The following DPH6 variants were observed in gnomAD, a reference collection of about 807,000 sequenced individuals.
DPH6 encodes diphthamine biosynthesis 6, also known as diphthine--ammonia ligase.
A neutral mutation model predicts 38.2 loss-of-function variants in DPH6; 33 were observed. That is an observed-to-expected ratio of 0.86 (90% CI 0.65 to 1.15). The LOEUF (loss-of-function observed/expected upper bound fraction) is 1.15. DPH6 is among the 50% of genes most tolerant of loss of function. The pLI is 0.00. For synonymous variants in DPH6, 108 were observed against 103.0 expected (o/e 1.05, Z -0.30); for missense variants, 325 against 320.0 (o/e 1.02, Z -0.12).
At chr15:35,543,082 T>C (rs1174418089) in intron 1 of DPH6, among the ~76,000 whole-genome samples, 1 of 145,618 alleles carries the variant, frequency 6.9e-6, no homozygotes, top group African/African-American at 2.5e-5. Context: ...CATCAGCAAT[T>C]AAAGGATCAA....
At chr15:35,208,898 T>G in the DPH6 span, among the ~76,000 whole-genome samples, 1 of 152,172 alleles carries the variant, frequency 6.6e-6, no homozygotes, top group African/African-American at 2.4e-5. Context: ...AAAATTAAAT[T>G]TATTTTAAAA....
At chr15:35,271,506 A>G (rs955441194) in intron 3 of DPH6, among the ~76,000 whole-genome samples, 3 of 152,228 alleles carry the variant, frequency 2.0e-5, no homozygotes, top group Admixed American at 2.0e-4. Flanking sequence ...GGATAACAAG[A>G]CCAGTAAGCA....
rs372913659 is a variant in DPH6 at position 35,226,778 on chromosome 15, G to A, written n.201-6196C>T. ...ACCCAAAGCAATCTACAGGTTGAAC[G>A]CAATACTGATCAAAATACCAGTTTT... is the stretch of plus-strand genomic sequence containing the variant. On this transcript the variant is annotated intron_variant and non_coding_transcript_variant, in intron 3 of 3. Coordinates refer to the DPH6 transcript ENST00000560386. 1.4e-4 allele frequency among the ~76,000 whole-genome samples: 22 copies of A among 152,280 alleles called. No homozygotes were observed. The East Asian group carries it at 1.7e-3, about 12-fold the overall frequency.
chr15:35,181,989 T>G, the DPH6 span, among the ~76,000 whole-genome samples: 1 of 138,564 alleles, frequency 7.2e-6, no homozygotes, highest in Non-Finnish European at 1.6e-5. Flanking sequence ...TAAATAAAGA[T>G]GTATGTAATT....
intron 3 of DPH6, among the ~76,000 whole-genome samples, chr15:35,280,595 A>T (rs1362562008): frequency 2.6e-5 from 4 of 152,220 alleles, no homozygotes; most frequent in African/African-American, 7.2e-5. Context: ...AATTTGGATT[A>T]CTCCATATTA....
chr15:35,229,791 T>C (rs1030117246), intron 3 of DPH6, among the ~76,000 whole-genome samples: 14 of 152,230 alleles, frequency 9.2e-5, no homozygotes, highest in Non-Finnish European at 2.9e-5. Flanking sequence ...TGCAGACTTG[T>C]AGAGGTATAC....
chr15:35,342,150 C>T (rs1398672958), intron 3 of DPH6, among the ~76,000 whole-genome samples: 1 of 152,088 alleles, frequency 6.6e-6, no homozygotes, highest in Non-Finnish European at 1.5e-5. Flanking sequence ...CTGGGTTCAC[C>T]CTCTTCCTAG....
intron 3 of DPH6, chr15:35,522,158 G>C (rs200520129): frequency 1.2e-6 from 2 of 1,613,340 alleles, no homozygotes; most frequent in South Asian, 1.1e-5. Context: ...AACTTGCTGT[G>C]AGTGCACAGT....
chr15:35,455,159 A>G (rs1346703389), intron 3 of DPH6, among the ~76,000 whole-genome samples: 1 of 152,182 alleles, frequency 6.6e-6, no homozygotes, highest in African/African-American at 2.4e-5. Context: ...AGAAATTTCT[A>G]TTTAAGGACA....
intron 7 of DPH6, among the ~76,000 whole-genome samples, chr15:35,374,463 T>C (rs1005212604): frequency 6.6e-6 from 1 of 152,114 alleles, no homozygotes; most frequent in African/African-American, 2.4e-5. Context: ...TATTTTTGAA[T>C]CGACTTGTAT....
chr15:35,282,874 CCCATCGGGGGGTT>C (rs367868020), intron 3 of DPH6: 83 of 339,740 alleles, frequency 2.4e-4, no homozygotes, highest in African/African-American at 1.7e-3. Context: ...GGATGAAGAC[CCCATCGGGGGGTT>C]CCACCATATA....
At chr15:35,357,546 G>A (rs901178780) in intron 3 of DPH6, among the ~76,000 whole-genome samples, 2 of 152,192 alleles carry the variant, frequency 1.3e-5, no homozygotes, top group African/African-American at 4.8e-5. Flanking sequence ...AAGATTGAAA[G>A]CTCCTTTTAG....
chr15:35,349,049 T>C (rs996945858), intron 3 of DPH6, among the ~76,000 whole-genome samples: 1 of 152,190 alleles, frequency 6.6e-6, no homozygotes, highest in Non-Finnish European at 1.5e-5. Flanking sequence ...AGTTTTTGGG[T>C]TTTGTGTATT....
At chr15:35,468,164 C>CA (rs1218484470) in intron 3 of DPH6, among the ~76,000 whole-genome samples, 1 of 152,206 alleles carries the variant, frequency 6.6e-6, no homozygotes, top group African/African-American at 2.4e-5. Flanking sequence ...AAACTATCTG[C>CA]AAAGCATTGT....
intron 6 of DPH6, among the ~76,000 whole-genome samples, chr15:35,388,986 T>C (rs1235227683): frequency 6.6e-6 from 1 of 152,200 alleles, no homozygotes; most frequent in South Asian, 2.1e-4. Context: ...TTTAGTGCTA[T>C]AAATTTCCCT....
chr15:35,254,223 C>G (rs1451775161), intron 3 of DPH6, among the ~76,000 whole-genome samples: 1 of 152,180 alleles, frequency 6.6e-6, no homozygotes, highest in Non-Finnish European at 1.5e-5. Flanking sequence ...AATGAGTTGA[C>G]ATACCAATCA....
At chr15:35,496,611 G>A (rs1431968571) in intron 3 of DPH6, among the ~76,000 whole-genome samples, 2 of 101,042 alleles carry the variant, frequency 2.0e-5, no homozygotes, top group African/African-American at 6.5e-5. Context: ...ATGAATATGA[G>A]AGAGATAAAG....
At chr15:35,488,291 C>G (rs2054431643) in intron 3 of DPH6, among the ~76,000 whole-genome samples, 1 of 152,210 alleles carries the variant, frequency 6.6e-6, no homozygotes, top group African/African-American at 2.4e-5. Context: ...TTTCAGTTAT[C>G]TTTCTAGCAG....
intron 3 of DPH6, among the ~76,000 whole-genome samples, chr15:35,523,758 G>A (rs1276925929): frequency 6.6e-6 from 1 of 152,086 alleles, no homozygotes; most frequent in East Asian, 1.9e-4. Flanking sequence ...TGACAGACAA[G>A]TTCCTCATGC....
Sources: allele counts gnomAD v4.1 joint callset (sites outside exome capture counted in the v4.1 genomes callset), GRCh38; gene constraint gnomAD v4.1.1; transcripts MANE v1.5; gene names NCBI Gene and HGNC (gene_info 2026-07-23, HGNC 2026-07-21).